The following SH3BGRL2 variants were observed in gnomAD, a reference collection of about 807,000 sequenced individuals.
SH3BGRL2 encodes the protein SH3 domain-binding glutamic acid-rich-like protein 2.
SH3BGRL2 carries 21 observed loss-of-function variants against 14.8 expected under a neutral mutation model. That is an observed-to-expected ratio of 1.42 (90% CI 1.01 to 2.05). The LOEUF (loss-of-function observed/expected upper bound fraction) is 2.05, where lower values mean the gene tolerates loss of function less well. Among genes scored for constraint, SH3BGRL2 ranks in the 30% most tolerant of loss-of-function variants. The probability of loss-of-function intolerance (pLI) is 0.00; values close to 1 mark genes in which losing one functional copy is unlikely to be tolerated. For synonymous variants in SH3BGRL2, 50 were observed against 47.8 expected, an observed-to-expected ratio of 1.05 and a Z score of -0.19; for missense variants, 147 against 130.8, an observed-to-expected ratio of 1.12 and a Z score of -0.61.
At chr6:79,540,287 G>GA in the SH3BGRL2 span, among the ~76,000 whole-genome samples, 1 of 151,910 alleles carries the variant, frequency 6.6e-6, no homozygotes, top group Non-Finnish European at 1.5e-5. Context: ...ACAAAAAAAT[G>GA]AGCTGGGCGT....
chr6:79,698,973 C>T (rs937991647), intron 3 of SH3BGRL2, among the ~76,000 whole-genome samples: 10 of 152,006 alleles, frequency 6.6e-5, no homozygotes, highest in South Asian at 2.1e-4. Context: ...AGGTAACAAC[C>T]GGTCAACACT....
chr6:79,539,755 G>A, the SH3BGRL2 span, among the ~76,000 whole-genome samples: 3 of 152,098 alleles, frequency 2.0e-5, no homozygotes, highest in African/African-American at 4.8e-5. Context: ...AAAAGTAATA[G>A]GTAGATAAAT....
intron 2 of SH3BGRL2, among the ~76,000 whole-genome samples, chr6:79,678,792 C>T (rs185697102): frequency 1.5e-3 from 233 of 152,206 alleles, no homozygotes; most frequent in South Asian, 5.8e-3. Context: ...TCTAGTGGTT[C>T]GCAGTGTCAA....
Position 79,699,621 on chromosome 6 carries a change from CT to C in SH3BGRL2, c.*115del. On this transcript the variant is annotated 3_prime_UTR_variant, in exon 4 of 4. Transcript: ENST00000369838. ...CAAAAGCCACACGCATTATCAGTAA[CT>C]TTGCTTGCCACGGAAAAGGTGTTTT... is the stretch of plus-strand genomic sequence containing the variant. 1 of 1,337,122 alleles carries C rather than the reference CT, an allele frequency of 7.5e-7. No homozygotes were observed. The allele number at this position is 1,337,122 out of a possible 1,614,324, so 82.8% of individuals were successfully genotyped here.
the SH3BGRL2 span, among the ~76,000 whole-genome samples, chr6:79,598,274 A>C: frequency 1.3e-5 from 2 of 152,182 alleles, no homozygotes; most frequent in Admixed American, 6.5e-5. Context: ...ATATATATCC[A>C]CACAAAAATA....
At chr6:79,590,672 A>G in the SH3BGRL2 span, among the ~76,000 whole-genome samples, 1 of 151,844 alleles carries the variant, frequency 6.6e-6, no homozygotes, top group Non-Finnish European at 1.5e-5. Flanking sequence ...TACTAGAGGC[A>G]GAAGGGAGGG....
At chr6:79,608,933 G>A in the SH3BGRL2 span, among the ~76,000 whole-genome samples, 1 of 152,174 alleles carries the variant, frequency 6.6e-6, no homozygotes, top group Non-Finnish European at 1.5e-5. Flanking sequence ...CTGAAATGCA[G>A]AGCCCTATAC....
chr6:79,649,813 A>G (rs1769244602), intron 1 of SH3BGRL2, among the ~76,000 whole-genome samples: 1 of 152,142 alleles, frequency 6.6e-6, no homozygotes. Flanking sequence ...TAGACTTTGC[A>G]CTGCATCAAA....
the SH3BGRL2 span, among the ~76,000 whole-genome samples, chr6:79,624,702 G>A: frequency 2.7e-4 from 41 of 152,280 alleles, no homozygotes; most frequent in South Asian, 3.1e-3. Context: ...ATAGTTGCAG[G>A]ATGGCAGCTG....
At chr6:79,585,274 A>G in the SH3BGRL2 span, among the ~76,000 whole-genome samples, 1,600 of 152,168 alleles carry the variant, frequency 0.011, 25 homozygotes, top group African/African-American at 0.037. Flanking sequence ...TCCATTTTGT[A>G]TACCACTAGA....
At chr6:79,634,729 G>T (rs1218143152) in intron 1 of SH3BGRL2, among the ~76,000 whole-genome samples, 1 of 152,116 alleles carries the variant, frequency 6.6e-6, no homozygotes, top group African/African-American at 2.4e-5. Context: ...AGTTAGGAAA[G>T]GTAGTAAAGT....
the SH3BGRL2 span, among the ~76,000 whole-genome samples, chr6:79,557,425 A>G: frequency 6.6e-6 from 1 of 152,020 alleles, no homozygotes; most frequent in African/African-American, 2.4e-5. Context: ...ACTATGAAGA[A>G]GATGTTGAAT....
chr6:79,600,114 T>C, the SH3BGRL2 span, among the ~76,000 whole-genome samples: 1 of 152,216 alleles, frequency 6.6e-6, no homozygotes, highest in Non-Finnish European at 1.5e-5. Context: ...CTATCAGTAC[T>C]GCACAAAGCT....
At chr6:79,672,597 G>A (rs1326063676) in intron 1 of SH3BGRL2, among the ~76,000 whole-genome samples, 1 of 151,978 alleles carries the variant, frequency 6.6e-6, no homozygotes, top group Non-Finnish European at 1.5e-5. Context: ...ACCTGGACAT[G>A]CCTCCTGGTC....
intron 1 of SH3BGRL2, among the ~76,000 whole-genome samples, chr6:79,644,881 C>T (rs1463752229): frequency 2.0e-5 from 3 of 151,322 alleles, no homozygotes; most frequent in African/African-American, 7.3e-5. Context: ...CTGAGTTGGC[C>T]GGGCGCGGTG....
chr6:79,631,817 C>T (rs906813555), intron 1 of SH3BGRL2, among the ~76,000 whole-genome samples: 4 of 152,220 alleles, frequency 2.6e-5, no homozygotes, highest in African/African-American at 9.6e-5. Context: ...ACGGGTTGTT[C>T]AAGAGCTTCG....
chr6:79,551,219 A>G, the SH3BGRL2 span, among the ~76,000 whole-genome samples: 5 of 152,212 alleles, frequency 3.3e-5, no homozygotes, highest in African/African-American at 9.6e-5. Context: ...ACAAGCTGCA[A>G]GGACGTTCTA....
the SH3BGRL2 span, among the ~76,000 whole-genome samples, chr6:79,595,900 C>T: frequency 6.6e-6 from 1 of 152,232 alleles, no homozygotes; most frequent in African/African-American, 2.4e-5. Context: ...TTGAAGATGA[C>T]ATAATCTTGT....
chr6:79,696,144 G>GA (rs201561365), intron 2 of SH3BGRL2, among the ~76,000 whole-genome samples: 1,617 of 152,236 alleles, frequency 0.011, 30 homozygotes, highest in African/African-American at 0.036. Flanking sequence ...CTTCCATACT[G>GA]AAAACCTAGA....
Sources: gnomAD v4.1 joint callset for allele counts (sites outside exome capture counted in the v4.1 genomes callset) on GRCh38, gnomAD v4.1.1 for gene constraint, MANE v1.5 for transcripts, NCBI Gene and HGNC (gene_info 2026-07-23, HGNC 2026-07-21) for gene names.